CSMD3: variants seen among roughly 807,000 people sequenced by gnomAD.
CSMD3 encodes CUB and Sushi multiple domains 3.
A neutral mutation model predicts 435.2 loss-of-function variants in CSMD3; 177 were observed. The observed-to-expected ratio is 0.41, with a 90% CI of 0.36 to 0.46. The LOEUF (loss-of-function observed/expected upper bound fraction) is 0.46, where lower values mean the gene tolerates loss of function less well. Among genes scored for constraint, CSMD3 ranks in the 20% least tolerant of loss-of-function variants. The probability of loss-of-function intolerance (pLI) is 0.34; values close to 1 mark genes in which losing one functional copy is unlikely to be tolerated. For synonymous variants in CSMD3, 1,656 were observed against 1,520.5 expected, an observed-to-expected ratio of 1.09 and a Z score of -2.07; for missense variants, 4,265 against 4,504.6, an observed-to-expected ratio of 0.95 and a Z score of 1.52.
intron 59 of CSMD3, among the ~76,000 whole-genome samples, chr8:112,265,842 C>T (rs1003744154): frequency 2.6e-5 from 4 of 152,094 alleles, no homozygotes; most frequent in Admixed American, 2.6e-4. Flanking sequence ...GGTTAATATG[C>T]CATTATGTTG....
chr8:112,966,040 A>G (rs2084403145), intron 7 of CSMD3, among the ~76,000 whole-genome samples: 1 of 151,850 alleles, frequency 6.6e-6, no homozygotes, highest in African/African-American at 2.4e-5. Context: ...CAATGGAAAA[A>G]GTAAACAAAA....
intron 61 of CSMD3, among the ~76,000 whole-genome samples, chr8:112,260,988 A>G (rs1023488538): frequency 1.3e-5 from 2 of 152,160 alleles, no homozygotes; most frequent in African/African-American, 4.8e-5. Flanking sequence ...TACAGTACCT[A>G]GAAGGAGCTC....
At chr8:113,170,340 T>A (rs1390891220) in intron 4 of CSMD3, among the ~76,000 whole-genome samples, 1 of 152,140 alleles carries the variant, frequency 6.6e-6, no homozygotes, top group Non-Finnish European at 1.5e-5. Context: ...GAAAGTTAGA[T>A]CATGTGCTCT....
chr8:113,325,049 C>A (rs535159780), intron 1 of CSMD3, among the ~76,000 whole-genome samples: 4 of 152,332 alleles, frequency 2.6e-5, no homozygotes, highest in African/African-American at 7.2e-5. Context: ...GCCTGTACCC[C>A]CATTGTATCT....
intron 10 of CSMD3, among the ~76,000 whole-genome samples, chr8:112,890,912 T>C (rs1379603159): frequency 2.0e-5 from 3 of 151,686 alleles, no homozygotes; most frequent in African/African-American, 7.3e-5. Flanking sequence ...GATTGCTACA[T>C]TGTCTTATTA....
At chr8:113,271,183 T>C (rs1047859107) in intron 3 of CSMD3, among the ~76,000 whole-genome samples, 3 of 152,138 alleles carry the variant, frequency 2.0e-5, no homozygotes, top group Non-Finnish European at 2.9e-5. Flanking sequence ...TGCAGCCTGA[T>C]GACGCAGTAG....
chr8:113,120,761 A>G (rs2090963302), intron 4 of CSMD3, among the ~76,000 whole-genome samples: 1 of 152,172 alleles, frequency 6.6e-6, no homozygotes, highest in African/African-American at 2.4e-5. Flanking sequence ...GCAGGATGTC[A>G]GTTGCCATGT....
intron 10 of CSMD3, among the ~76,000 whole-genome samples, chr8:112,898,990 A>C (rs2082027661): frequency 6.6e-6 from 1 of 151,254 alleles, no homozygotes; most frequent in African/African-American, 2.4e-5. Flanking sequence ...GGTAAAGTGA[A>C]TAGAACTTGC....
At chr8:112,941,888 C>A (rs937190334) in intron 9 of CSMD3, among the ~76,000 whole-genome samples, 1 of 151,548 alleles carries the variant, frequency 6.6e-6, no homozygotes, top group African/African-American at 2.4e-5. Context: ...CAGTTTCTCC[C>A]ATTATTAATA....
At chr8:113,205,553 T>A (rs1231810415) in intron 3 of CSMD3, among the ~76,000 whole-genome samples, 1 of 152,162 alleles carries the variant, frequency 6.6e-6, no homozygotes, top group African/African-American at 2.4e-5. Context: ...TATGATGTTC[T>A]CATAGCAATG....
At chr8:113,404,922 C>CA (rs2094526141) in intron 1 of CSMD3, among the ~76,000 whole-genome samples, 1 of 151,358 alleles carries the variant, frequency 6.6e-6, no homozygotes, top group Non-Finnish European at 1.5e-5. Context: ...GTGTTATGTG[C>CA]AAGACATGGA....
chr8:112,966,964 CTG>C (rs953141123), intron 7 of CSMD3, among the ~76,000 whole-genome samples: 6 of 151,886 alleles, frequency 4.0e-5, no homozygotes, highest in Non-Finnish European at 8.8e-5. Flanking sequence ...AGTGTTGGGA[CTG>C]TGTGATAAAT....
intron 4 of CSMD3, among the ~76,000 whole-genome samples, chr8:113,144,808 A>ACAAAG (rs1180119449): frequency 6.6e-6 from 1 of 151,630 alleles, no homozygotes; most frequent in East Asian, 1.9e-4. Context: ...AAAACAATCA[A>ACAAAG]CAAAGCAAAC....
chr8:113,031,391 G>C (rs1370026502), intron 5 of CSMD3, among the ~76,000 whole-genome samples: 5 of 151,456 alleles, frequency 3.3e-5, no homozygotes, highest in African/African-American at 1.2e-4. Flanking sequence ...AGAACATTAA[G>C]AGCAAAGGAA....
At chr8:113,408,357 T>A (rs1024554150) in intron 1 of CSMD3, among the ~76,000 whole-genome samples, 2 of 152,160 alleles carry the variant, frequency 1.3e-5, no homozygotes, top group African/African-American at 2.4e-5. Flanking sequence ...TGGTAAGACT[T>A]TTTTCATGAA....
At chr8:112,898,304 T>A (rs1209207380) in intron 10 of CSMD3, among the ~76,000 whole-genome samples, 4 of 151,188 alleles carry the variant, frequency 2.6e-5, no homozygotes, top group African/African-American at 9.7e-5. Context: ...AATATAATTA[T>A]GCTTAGCTTG....
intron 17 of CSMD3, among the ~76,000 whole-genome samples, chr8:112,664,453 G>C (rs2075467781): frequency 6.6e-6 from 1 of 152,088 alleles, no homozygotes; most frequent in African/African-American, 2.4e-5. Context: ...TTCTAAAATT[G>C]CTATGGCAAC....
intron 11 of CSMD3, among the ~76,000 whole-genome samples, chr8:112,846,257 T>C (rs1376675150): frequency 6.6e-6 from 1 of 151,634 alleles, no homozygotes; most frequent in African/African-American, 2.4e-5. Flanking sequence ...AAAAGAAATA[T>C]TCTTTTTTCC....
chr8:113,376,862 G>C (rs111723232), intron 1 of CSMD3: 1 of 1,611,078 alleles, frequency 6.2e-7, no homozygotes, highest in East Asian at 2.2e-5. Flanking sequence ...CCCCTTTCCC[G>C]GATGATCTGG....
Sources: allele counts gnomAD v4.1 joint callset (sites outside exome capture counted in the v4.1 genomes callset), GRCh38; gene constraint gnomAD v4.1.1; transcripts MANE v1.5; gene names NCBI Gene and HGNC (gene_info 2026-07-23, HGNC 2026-07-21).